KDM7A: variants seen among roughly 807,000 people sequenced by gnomAD.
KDM7A encodes the protein lysine demethylase 7A, also known as lysine-specific demethylase 7A.
In KDM7A, 28 loss-of-function variants were observed where a neutral mutation model predicts 114.8. The ratio of observed to expected loss-of-function variants is 0.24; its 90% CI spans 0.18 to 0.33. KDM7A has a LOEUF of 0.33. Among genes scored for constraint, KDM7A ranks in the 10% least tolerant of loss-of-function variants. KDM7A has a pLI of 1.00. For missense variants in KDM7A, 942 were observed against 1,142.5 expected (o/e 0.82, Z 2.53); for synonymous variants, 423 against 397.8 (o/e 1.06, Z -0.75).
chr7:140,094,265 G>A, intron 17 of KDM7A, 127 bp from the exon 18 acceptor site: 1 of 695,710 alleles, frequency 1.4e-6, no homozygotes, highest in Non-Finnish European at 2.6e-6. Context: ...AACACTTTGG[G>A]AGGCCAAGGC....
chr7:140,131,110 A>T (rs896511586), intron 3 of KDM7A, among the ~76,000 whole-genome samples: 10 of 151,672 alleles, frequency 6.6e-5, no homozygotes, highest in Admixed American at 4.6e-4. Context: ...CTCATGATCC[A>T]CCCACCTCGG....
At chr7:140,100,711 C>A (rs971669705) in intron 12 of KDM7A, among the ~76,000 whole-genome samples, 1 of 56,980 alleles carries the variant, frequency 1.8e-5, no homozygotes, top group Non-Finnish European at 3.8e-5. Flanking sequence ...TATATATACA[C>A]ATATATATAT....
rs1485380489 is a variant in KDM7A, at chr7:140,176,527, G to A, written c.194+217C>T. 6.8e-6 allele frequency among the ~76,000 whole-genome samples: 1 copy of A among 146,750 alleles called. No homozygotes were observed. Among genetic ancestry groups the A allele is most frequent in the Admixed American group, 6.8e-5 (1 of 14,806 alleles). ...TGTTTGTTGTGGCGACTCTTCGCCC[G>A]GGCCAGGCGAGCCCACCGGCTCCCC... On this transcript the variant is annotated intron_variant, in intron 1 of 19. Coordinates refer to ENST00000397560, the MANE Select transcript of KDM7A (RefSeq NM_030647.2). The surrounding 1 kb of genome is among the most constrained non-coding windows in gnomAD (Gnocchi z 4.4).
rs957310372 is a variant in KDM7A, at chr7:140,085,996, A to G, written c.*5098T>C. Reference sequence around the variant, plus strand: ...ATTATATATTCCAGCACTTATGATCATTGTTTTGGTGAAAAATCTTGGAGG... The same window carrying G: ...ATTATATATTCCAGCACTTATGATCGTTGTTTTGGTGAAAAATCTTGGAGG... On this transcript the variant is annotated 3_prime_UTR_variant, in exon 20 of 20. Coordinates refer to ENST00000397560, the MANE Select transcript of KDM7A (RefSeq NM_030647.2). 1.3e-5 allele frequency: 2 copies of G among 152,212 alleles called. No homozygotes were observed. The highest frequency in any genetic ancestry group is 4.8e-5 in the African/African-American group (2 of 41,462). The allele number at this position is 152,212 out of a possible 1,614,324, so 9.4% of individuals were successfully genotyped here.
At chr7:140,103,306 C>CT (rs35185351) in intron 11 of KDM7A, among the ~76,000 whole-genome samples, 107 of 148,282 alleles carry the variant, frequency 7.2e-4, no homozygotes, top group African/African-American at 1.2e-3. Context: ...TCAGCATTTC[C>CT]TTTTTTTTTT....
At chr7:140,153,622 G>GGTTA (rs944395452) in intron 1 of KDM7A, among the ~76,000 whole-genome samples, 1 of 152,128 alleles carries the variant, frequency 6.6e-6, no homozygotes, top group African/African-American at 2.4e-5. Flanking sequence ...TCTTACTGTT[G>GGTTA]GTTATAATGT....
chr7:140,140,766 A>G (rs1475406973), intron 1 of KDM7A, among the ~76,000 whole-genome samples: 1 of 152,052 alleles, frequency 6.6e-6, no homozygotes, highest in Non-Finnish European at 1.5e-5. Flanking sequence ...AAAAATAGCA[A>G]GAATACCTGC....
chr7:140,171,862 T>C (rs1381673929), intron 1 of KDM7A, among the ~76,000 whole-genome samples: 1 of 152,076 alleles, frequency 6.6e-6, no homozygotes, highest in Admixed American at 6.6e-5. Flanking sequence ...TAGTGTATTC[T>C]TTTTTACAGC....
chr7:140,161,671 A>G lies in KDM7A; in HGVS notation c.194+15073T>C, dbSNP rs527910007. Among the ~76,000 whole-genome samples the G allele has an allele frequency of 1.8e-4, 28 of 151,798 alleles. No homozygotes were observed. In the South Asian group the frequency reaches 1.9e-3, roughly 10 times the overall value. On this transcript the variant is annotated intron_variant, in intron 1 of 19. Transcript: ENST00000397560. ...CAAGCAATTCTGCCTCAGCCTCCCG[A>G]GCAGCTGGGGCTACAGGCGTGTGCC...
At chr7:140,118,864 A>G (rs188937569) in intron 9 of KDM7A, among the ~76,000 whole-genome samples, 3 of 152,300 alleles carry the variant, frequency 2.0e-5, no homozygotes, top group Admixed American at 1.3e-4. Context: ...CATTTCTAAT[A>G]TTACCTACGT....
intron 1 of KDM7A, among the ~76,000 whole-genome samples, chr7:140,172,085 G>A (rs547090095): frequency 6.6e-6 from 1 of 152,200 alleles, no homozygotes; most frequent in East Asian, 1.9e-4. Context: ...AGGATGCAGG[G>A]AACTAAAAGT....
intron 1 of KDM7A, among the ~76,000 whole-genome samples, chr7:140,153,163 G>A (rs1272600054): frequency 1.3e-5 from 2 of 151,734 alleles, no homozygotes; most frequent in Admixed American, 6.6e-5. Context: ...TAAAGGTCAC[G>A]TGATCGATGA....
At chr7:140,114,040 A>T (rs1360315933) in intron 9 of KDM7A, among the ~76,000 whole-genome samples, 2 of 152,234 alleles carry the variant, frequency 1.3e-5, no homozygotes, top group African/African-American at 4.8e-5. Flanking sequence ...CAAGCTTCCA[A>T]AAGAAAGGGG....
chr7:140,169,571 C>T (rs1197453241), intron 1 of KDM7A, among the ~76,000 whole-genome samples: 2 of 152,068 alleles, frequency 1.3e-5, no homozygotes, highest in Non-Finnish European at 2.9e-5. Context: ...TGTCGCCCAC[C>T]GTGGAGTGCA....
intron 9 of KDM7A, among the ~76,000 whole-genome samples, chr7:140,115,800 A>C (rs1472480817): frequency 7.2e-6 from 1 of 139,762 alleles, no homozygotes; most frequent in Non-Finnish European, 1.5e-5. Flanking sequence ...TAAAAAAATA[A>C]ATTTAAAAAA....
At chr7:140,105,717 C>T (rs995480229) in intron 11 of KDM7A, among the ~76,000 whole-genome samples, 17 of 152,104 alleles carry the variant, frequency 1.1e-4, no homozygotes, top group African/African-American at 3.4e-4. Flanking sequence ...TTTCTTGCAT[C>T]GATGTTCATC....
chr7:140,130,737 C>A (rs1264815791), intron 3 of KDM7A, among the ~76,000 whole-genome samples: 1 of 151,964 alleles, frequency 6.6e-6, no homozygotes, highest in Non-Finnish European at 1.5e-5. Context: ...TCTTGTTCTG[C>A]ATATTGAAAG....
At chr7:140,163,843 A>T (rs1168991008) in intron 1 of KDM7A, among the ~76,000 whole-genome samples, 3 of 152,176 alleles carry the variant, frequency 2.0e-5, no homozygotes, top group South Asian at 2.1e-4. Flanking sequence ...ACACTGTACA[A>T]CTAGGTAACC....
At chr7:140,174,214 C>T (rs1367455790) in intron 1 of KDM7A, among the ~76,000 whole-genome samples, 14 of 151,764 alleles carry the variant, frequency 9.2e-5, no homozygotes, top group Admixed American at 9.2e-4. Context: ...TAAAAAGATA[C>T]TGCTTTTGTA....
Sources: gnomAD v4.1 joint callset for allele counts (sites outside exome capture counted in the v4.1 genomes callset) on GRCh38, gnomAD v4.1.1 for gene constraint, Gnocchi (gnomAD v3.1) non-coding constraint, MANE v1.5 for transcripts, NCBI Gene and HGNC (gene_info 2026-07-23, HGNC 2026-07-21) for gene names.